NR2F1-AS1: variants seen among roughly 807,000 people sequenced by gnomAD.
The protein encoded by NR2F1-AS1 is NR2F1 regulatory antisense RNA 1, also known as NR2F1 antisense RNA 1.
At chr5:93,504,970 T>A (rs1464777652) in intron 4 of NR2F1-AS1, among the ~76,000 whole-genome samples, 1 of 152,112 alleles carries the variant, frequency 6.6e-6, no homozygotes, top group Non-Finnish European at 1.5e-5. Flanking sequence ...AGTATTAACC[T>A]AAAAGTCCAC....
chr5:93,575,691 G>A (rs1752879705), intron 1 of NR2F1-AS1, among the ~76,000 whole-genome samples: 2 of 151,768 alleles, frequency 1.3e-5, no homozygotes, highest in African/African-American at 4.8e-5. Context: ...ATGACTTCTG[G>A]AAAAAGCTGT....
At chr5:93,547,594 G>A (rs1057104460) in intron 4 of NR2F1-AS1, among the ~76,000 whole-genome samples, 2 of 152,158 alleles carry the variant, frequency 1.3e-5, no homozygotes, top group African/African-American at 4.8e-5. Flanking sequence ...TAGTGCTTAT[G>A]TAATAAAAAG....
At chr5:93,531,640 T>C (rs940800340) in intron 4 of NR2F1-AS1, among the ~76,000 whole-genome samples, 43 of 152,336 alleles carry the variant, frequency 2.8e-4, no homozygotes, top group Middle Eastern at 3.4e-3. Flanking sequence ...ATCTTTTCAT[T>C]GTCTCTCAAC....
At chr5:93,417,072 G>A (rs532217722) in intron 4 of NR2F1-AS1, among the ~76,000 whole-genome samples, 131 of 152,258 alleles carry the variant, frequency 8.6e-4, no homozygotes, top group African/African-American at 3.1e-3. Context: ...CCTAGTCTTT[G>A]CACTATGCCA....
chr5:93,491,866 C>T (rs1750856603), intron 4 of NR2F1-AS1, among the ~76,000 whole-genome samples: 2 of 152,222 alleles, frequency 1.3e-5, no homozygotes, highest in African/African-American at 4.8e-5. Context: ...AGACTCTTGA[C>T]TGAATTGTAC....
intron 4 of NR2F1-AS1, among the ~76,000 whole-genome samples, chr5:93,440,855 C>G (rs189933333): frequency 6.6e-6 from 1 of 152,146 alleles, no homozygotes; most frequent in African/African-American, 2.4e-5. Context: ...TTCTTTTTAT[C>G]TCATCTAAGC....
chr5:93,502,295 C>T (rs1751097515), intron 4 of NR2F1-AS1, among the ~76,000 whole-genome samples: 1 of 152,112 alleles, frequency 6.6e-6, no homozygotes, highest in Non-Finnish European at 1.5e-5. Flanking sequence ...GATCTACTTG[C>T]AACATGACAG....
chr5:93,443,190 G>A (rs548783131), intron 4 of NR2F1-AS1, among the ~76,000 whole-genome samples: 1 of 152,330 alleles, frequency 6.6e-6, no homozygotes, highest in African/African-American at 2.4e-5. Context: ...GCTGCATGGA[G>A]AATGACTTTG....
chr5:93,522,617 G>A (rs904692034), intron 4 of NR2F1-AS1, among the ~76,000 whole-genome samples: 1 of 152,206 alleles, frequency 6.6e-6, no homozygotes, highest in Non-Finnish European at 1.5e-5. Context: ...CAGAAGGCGG[G>A]TGACTTCTGC....
chr5:93,476,322 A>G (rs1186750352), intron 4 of NR2F1-AS1, among the ~76,000 whole-genome samples: 1 of 152,172 alleles, frequency 6.6e-6, no homozygotes, highest in Non-Finnish European at 1.5e-5. Context: ...GAACAATGCC[A>G]GCATCATCAT....
intron 4 of NR2F1-AS1, among the ~76,000 whole-genome samples, chr5:93,499,669 T>A (rs1751038179): frequency 1.3e-5 from 2 of 152,136 alleles, no homozygotes; most frequent in African/African-American, 4.8e-5. Flanking sequence ...TACAATGGCC[T>A]CTAAATATTG....
chr5:93,484,749 G>A (rs2149876920), intron 4 of NR2F1-AS1, among the ~76,000 whole-genome samples: 1 of 146,214 alleles, frequency 6.8e-6, no homozygotes, highest in South Asian at 2.2e-4. Context: ...ATAAAGGGAT[G>A]CAGGAATATT....
intron 3 of NR2F1-AS1, among the ~76,000 whole-genome samples, chr5:93,554,311 G>A (rs1212451688): frequency 1.3e-5 from 2 of 152,088 alleles, no homozygotes; most frequent in African/African-American, 4.8e-5. Flanking sequence ...TATGACTACA[G>A]CCAAAATTAC....
intron 4 of NR2F1-AS1, among the ~76,000 whole-genome samples, chr5:93,448,071 G>A (rs1186607004): frequency 6.6e-6 from 1 of 152,028 alleles, no homozygotes; most frequent in Non-Finnish European, 1.5e-5. Flanking sequence ...AAGGGGGAGG[G>A]ATAGCATTAG....
chr5:93,511,187 A>G (rs1751287775), intron 4 of NR2F1-AS1, among the ~76,000 whole-genome samples: 1 of 152,176 alleles, frequency 6.6e-6, no homozygotes, highest in Admixed American at 6.5e-5. Context: ...TAGACTCAGT[A>G]AAGTACATTG....
chr5:93,479,993 C>CA (rs1205845928), intron 4 of NR2F1-AS1, among the ~76,000 whole-genome samples: 2 of 150,722 alleles, frequency 1.3e-5, no homozygotes, highest in African/African-American at 2.4e-5. Context: ...TATGAACAGA[C>CA]AAAAAAAATT....
intron 1 of NR2F1-AS1, among the ~76,000 whole-genome samples, chr5:93,580,126 C>A (rs944114915): frequency 2.6e-5 from 4 of 152,364 alleles, no homozygotes; most frequent in African/African-American, 9.6e-5. Flanking sequence ...CGTGCGGGTC[C>A]CCGTCCTCCG....
At chr5:93,431,290 T>TG (rs1006241805) in intron 4 of NR2F1-AS1, among the ~76,000 whole-genome samples, 18 of 150,146 alleles carry the variant, frequency 1.2e-4, no homozygotes, top group Non-Finnish European at 1.9e-4. Flanking sequence ...GAGATGATGG[T>TG]GGGGGGGAGA....
intron 1 of NR2F1-AS1, among the ~76,000 whole-genome samples, chr5:93,580,184 G>C (rs1409605383): frequency 2.6e-5 from 4 of 152,250 alleles, no homozygotes; most frequent in Admixed American, 2.6e-4. Flanking sequence ...TAGCGGGTGG[G>C]GGTGGGAGCA....
Sources: allele counts gnomAD v4.1 joint callset (sites outside exome capture counted in the v4.1 genomes callset), GRCh38; gene constraint gnomAD v4.1.1; transcripts MANE v1.5; gene names NCBI Gene and HGNC (gene_info 2026-07-23, HGNC 2026-07-21).